Variants in ERBB4 observed in about 807,000 individuals in gnomAD.
ERBB4 encodes the protein erb-b2 receptor tyrosine kinase 4.
In ERBB4, 42 loss-of-function variants were observed where a neutral mutation model predicts 158.0. The observed-to-expected ratio is 0.27, with a 90% CI of 0.21 to 0.34. The LOEUF (loss-of-function observed/expected upper bound fraction) is 0.34. Ranked by LOEUF, ERBB4 falls within the 10% of genes least tolerant of loss-of-function variation. ERBB4 has a pLI of 1.00. For missense variants in ERBB4, 1,333 were observed against 1,624.1 expected (o/e 0.82, Z 3.08); for synonymous variants, 583 against 558.7 (o/e 1.04, Z -0.61).
At chr2:211,735,089 T>C (rs2074561180) in intron 5 of ERBB4, among the ~76,000 whole-genome samples, 1 of 152,018 alleles carries the variant, frequency 6.6e-6, no homozygotes, top group African/African-American at 2.4e-5. Flanking sequence ...TATGTAAATA[T>C]AAATACACAC....
At chr2:212,378,980 G>T (rs536016536) in intron 1 of ERBB4, among the ~76,000 whole-genome samples, 1 of 150,718 alleles carries the variant, frequency 6.6e-6, no homozygotes, top group East Asian at 2.0e-4. Flanking sequence ...TTTTTCTTTT[G>T]TAATTTTGAA....
intron 1 of ERBB4, among the ~76,000 whole-genome samples, chr2:212,461,129 AC>A (rs560103731): frequency 9.9e-5 from 15 of 151,366 alleles, no homozygotes; most frequent in African/African-American, 3.4e-4. Context: ...TGGGGTGGGA[AC>A]CCCCCCTCCA....
intron 1 of ERBB4, among the ~76,000 whole-genome samples, chr2:212,463,118 G>T (rs1276237321): frequency 6.6e-6 from 1 of 152,058 alleles, no homozygotes; most frequent in Non-Finnish European, 1.5e-5. Context: ...ATGGAAGGAG[G>T]TATGGGTAGA....
intron 20 of ERBB4, among the ~76,000 whole-genome samples, chr2:211,502,395 G>A (rs1197926681): frequency 2.6e-5 from 4 of 151,992 alleles, no homozygotes; most frequent in Non-Finnish European, 4.4e-5. Context: ...CTGTCTCAAA[G>A]GTTATTAATT....
intron 1 of ERBB4, among the ~76,000 whole-genome samples, chr2:212,154,794 AACAGT>A (rs755172156): frequency 1.7e-4 from 26 of 152,168 alleles, no homozygotes; most frequent in Admixed American, 1.1e-3. Context: ...AGAGTTAAAA[AACAGT>A]ACTCTCTTAT....
At chr2:211,811,187 G>A (rs2076747091) in intron 3 of ERBB4, among the ~76,000 whole-genome samples, 1 of 152,090 alleles carries the variant, frequency 6.6e-6, no homozygotes, top group African/African-American at 2.4e-5. Flanking sequence ...CTTCCTTCAG[G>A]AGCTCTTGTA....
At chr2:212,090,072 G>C (rs1187939660) in intron 2 of ERBB4, among the ~76,000 whole-genome samples, 1 of 152,066 alleles carries the variant, frequency 6.6e-6, no homozygotes, top group African/African-American at 2.4e-5. Flanking sequence ...ATTCACAGCT[G>C]TCAGCCTATC....
intron 2 of ERBB4, among the ~76,000 whole-genome samples, chr2:212,079,970 C>T (rs754780621): frequency 6.6e-6 from 1 of 151,890 alleles, no homozygotes; most frequent in South Asian, 2.1e-4. Context: ...ATTTAGAAAG[C>T]TATAATCACT....
intron 1 of ERBB4, among the ~76,000 whole-genome samples, chr2:212,263,995 G>A (rs573414225): frequency 4.3e-4 from 65 of 152,202 alleles, no homozygotes; most frequent in African/African-American, 1.5e-3. Context: ...CTGTGGTCAT[G>A]TTGTGTACAA....
intron 3 of ERBB4, among the ~76,000 whole-genome samples, chr2:211,854,397 A>G (rs1207386009): frequency 6.6e-6 from 1 of 152,092 alleles, no homozygotes; most frequent in African/African-American, 2.4e-5. Context: ...ATTTTTTTAA[A>G]AAGGGCAAAA....
intron 3 of ERBB4, among the ~76,000 whole-genome samples, chr2:211,942,330 T>TTTCA (rs1553517501): frequency 1.4e-5 from 2 of 145,740 alleles, no homozygotes. Flanking sequence ...GGATGAAGCA[T>TTTCA]TTTATTTATT....
intron 2 of ERBB4, among the ~76,000 whole-genome samples, chr2:212,095,651 G>T (rs2078906061): frequency 6.6e-6 from 1 of 152,142 alleles, no homozygotes; most frequent in Admixed American, 6.5e-5. Context: ...AGTAAATTTT[G>T]GCCGGGCGCG....
At chr2:211,952,931 G>A (rs2080915881) in intron 2 of ERBB4, among the ~76,000 whole-genome samples, 1 of 151,684 alleles carries the variant, frequency 6.6e-6, no homozygotes, top group African/African-American at 2.4e-5. Flanking sequence ...TAATCTCTCT[G>A]TTATGTAACC....
intron 1 of ERBB4, among the ~76,000 whole-genome samples, chr2:212,248,230 A>G (rs2084384462): frequency 6.6e-6 from 1 of 152,180 alleles, no homozygotes; most frequent in South Asian, 2.1e-4. Context: ...TAAAGAATTT[A>G]CTTGAAGACT....
intron 20 of ERBB4, among the ~76,000 whole-genome samples, chr2:211,432,456 T>A (rs2063764443): frequency 6.6e-6 from 1 of 152,216 alleles, no homozygotes; most frequent in Admixed American, 6.5e-5. Context: ...CTGTGTGTAT[T>A]AGTGTTTTCT....
At chr2:212,231,997 C>T (rs887988114) in intron 1 of ERBB4, among the ~76,000 whole-genome samples, 1 of 152,130 alleles carries the variant, frequency 6.6e-6, no homozygotes, top group African/African-American at 2.4e-5. Context: ...TACTTCGCCT[C>T]AGATGAAAGG....
intron 2 of ERBB4, among the ~76,000 whole-genome samples, chr2:211,953,444 T>C (rs539703459): frequency 3.4e-4 from 42 of 121,896 alleles, no homozygotes; most frequent in African/African-American, 1.3e-3. Flanking sequence ...ATGTCTTTGA[T>C]ATTAAATAAA....
intron 1 of ERBB4, among the ~76,000 whole-genome samples, chr2:212,236,101 G>T (rs1230551842): frequency 6.6e-6 from 1 of 152,152 alleles, no homozygotes; most frequent in Non-Finnish European, 1.5e-5. Flanking sequence ...GTGGCTGTGG[G>T]TTTGTCATAA....
At position 211,861,009 on chromosome 2, in the gene ERBB4, TATATATTTATATATATATAAATATA is replaced by T. The variant is rs1426071482; in HGVS notation, c.422-72875_422-72851del. ...TATATAATATAATATATTATATATTTATATATTTATATATATATAAATATAATATATTTATATATTTATATATATA... is the reference window on the plus strand; with the variant it reads ...TATATAATATAATATATTATATATTTATATATTTATATATTTATATATATA... On this transcript the variant is annotated intron_variant, in intron 3 of 27. Transcript: ENST00000342788. Among the ~76,000 whole-genome samples the T allele has an allele frequency of 1.0e-4, 2 of 19,092 alleles. 1 individual carries two copies. Among genetic ancestry groups the T allele is most frequent in the Non-Finnish European group, 1.5e-4 (2 of 12,936 alleles). 12.5% of individuals were successfully genotyped at this position (19,092 alleles called of 152,430 possible).
Sources: gnomAD v4.1 joint callset for allele counts (sites outside exome capture counted in the v4.1 genomes callset) on GRCh38, gnomAD v4.1.1 for gene constraint, MANE v1.5 for transcripts, NCBI Gene and HGNC (gene_info 2026-07-23, HGNC 2026-07-21) for gene names.